PPP1R13B: variants seen among roughly 807,000 people sequenced by gnomAD.
The protein encoded by PPP1R13B is protein phosphatase 1 regulatory subunit 13B.
Under a neutral mutation model 119.8 loss-of-function variants are expected in PPP1R13B, and 44 were observed. The ratio of observed to expected loss-of-function variants is 0.37; its 90% CI spans 0.29 to 0.47. The LOEUF is 0.47. Among genes scored for constraint, PPP1R13B ranks in the 20% least tolerant of loss-of-function variants. The pLI, the probability that PPP1R13B is intolerant of heterozygous loss-of-function variation, is 0.99. For synonymous variants in PPP1R13B, 542 were observed against 561.5 expected (o/e 0.97, Z 0.49); for missense variants, 1,227 against 1,413.5 (o/e 0.87, Z 2.12).
chr14:103,742,348 T>A lies in PPP1R13B; in HGVS notation c.1321-57A>T. On this transcript the variant is annotated intron_variant, in intron 10 of 16. Coordinates refer to ENST00000202556, the MANE Select transcript of PPP1R13B (RefSeq NM_015316.3). This position sits in a 1 kb window ranked among gnomAD's most constrained non-coding sequence, Gnocchi z 4.9. ...TCACCCTTTGAACAGTTAAGAATAT[T>A]TCCACCCACATTCCCAAGAGAATAC... 4.7e-6 allele frequency: 7 copies of A among 1,493,810 alleles called. No individual in the cohort carries two copies. The highest frequency in any genetic ancestry group is 6.2e-6 in the Non-Finnish European group (7 of 1,126,486). 92.5% of individuals were successfully genotyped at this position (1,493,810 alleles called of 1,614,324 possible).
chr14:103,836,768 T>C (rs1270545944), intron 1 of PPP1R13B, among the ~76,000 whole-genome samples: 4 of 122,276 alleles, frequency 3.3e-5, no homozygotes, highest in Non-Finnish European at 5.0e-5. Context: ...AGAGTCTGTC[T>C]CAGAAAAGAA....
intron 4 of PPP1R13B, among the ~76,000 whole-genome samples, chr14:103,768,840 AT>A (rs1350824394): frequency 1.3e-5 from 2 of 152,044 alleles, no homozygotes; most frequent in Non-Finnish European, 2.9e-5. Context: ...AAAGTGCAGG[AT>A]TACAGGTGTG....
At chr14:103,781,641 T>C (rs1211784707) in intron 3 of PPP1R13B, among the ~76,000 whole-genome samples, 1 of 152,182 alleles carries the variant, frequency 6.6e-6, no homozygotes, top group Non-Finnish European at 1.5e-5. Context: ...AAGGTTTTTT[T>C]GTTTTGTTTT....
At chr14:103,767,081 T>C (rs772294442) in intron 4 of PPP1R13B, among the ~76,000 whole-genome samples, 1 of 152,172 alleles carries the variant, frequency 6.6e-6, no homozygotes, top group Non-Finnish European at 1.5e-5. Flanking sequence ...CGAAGGGCTT[T>C]GGAGTGGAAG....
Position 103,768,538 on chromosome 14 carries a change from C to T in PPP1R13B, c.354+10207G>A, listed in dbSNP as rs376835772. Among the ~76,000 whole-genome samples, 5 of 151,174 alleles carry T rather than the reference C, an allele frequency of 3.3e-5. No homozygotes were observed. In the East Asian group the frequency reaches 5.9e-4, roughly 18 times the overall value. On this transcript the variant is annotated intron_variant, in intron 4 of 16. Transcript: ENST00000202556. ...GGTCTCAATCTCCTGACCTTGTGAT[C>T]CGCCTGCCTCAGCCTCCCAAAGTGC...
In PPP1R13B at chr14:103,837,208, G is replaced by A. The variant is rs558491784; in HGVS notation, c.9+10091C>T. ...ATCAGGCAAACCGGAAACACAGGGA[G>A]GACGTGTGTGGGTGCTGCAGATGCC... is the stretch of plus-strand genomic sequence containing the variant. On this transcript the variant is annotated intron_variant, in intron 1 of 16. Transcript: ENST00000202556. Among the ~76,000 whole-genome samples the A allele has an allele frequency of 1.3e-3, 200 of 152,338 alleles. 3 individuals carry two copies. Among genetic ancestry groups the A allele is most frequent in the Non-Finnish European group, 2.1e-4 (14 of 68,040 alleles).
chr14:103,786,805 G>A (rs894305327), intron 2 of PPP1R13B, among the ~76,000 whole-genome samples: 7 of 145,218 alleles, frequency 4.8e-5, no homozygotes, highest in Admixed American at 4.8e-4. Context: ...TCATGGTGGT[G>A]CACGCCTGTG....
At chr14:103,771,258 T>C (rs755056339) in intron 4 of PPP1R13B, among the ~76,000 whole-genome samples, 2 of 152,046 alleles carry the variant, frequency 1.3e-5, no homozygotes, top group Non-Finnish European at 2.9e-5. Flanking sequence ...GGCCTGACTT[T>C]ATCCAGGTGT....
In PPP1R13B at chr14:103,736,089, G is replaced by A. The variant is rs745691268; in HGVS notation, c.3145C>T (p.Leu1049=). The A allele has an allele frequency of 6.2e-6, 10 of 1,614,242 alleles. No individual in the cohort carries two copies. Among genetic ancestry groups the A allele is most frequent in the South Asian group, 1.1e-5 (1 of 91,088 alleles). ...SFHEGDALTI[L]RRKDESETEW... ...GTCTCGCTTTCGTCCTTGCGCCTCA[G>A]GATGGTGAGGGCGTCCCCTTCGTGG... The change falls in exon 16 of 17, where the codon CTG becomes TTG. Residue 1049 remains leucine (L), a synonymous_variant. Transcript: ENST00000202556.
chr14:103,812,366 C>T (rs545425330), intron 1 of PPP1R13B, among the ~76,000 whole-genome samples: 11 of 148,686 alleles, frequency 7.4e-5, no homozygotes, highest in Admixed American at 6.1e-4. Context: ...CATTGTGATC[C>T]GCCCACCTCG....
intron 4 of PPP1R13B, among the ~76,000 whole-genome samples, chr14:103,776,531 G>C (rs1023261267): frequency 6.6e-6 from 1 of 152,146 alleles, no homozygotes; most frequent in African/African-American, 2.4e-5. Flanking sequence ...GTGTGAGGAA[G>C]GAACTTGCCT....
At chr14:103,805,713 G>GAC (rs2086001660) in intron 1 of PPP1R13B, among the ~76,000 whole-genome samples, 2 of 152,306 alleles carry the variant, frequency 1.3e-5, no homozygotes, top group African/African-American at 4.8e-5. Flanking sequence ...ACAAAGTATT[G>GAC]ACACATGCTA....
intron 4 of PPP1R13B, among the ~76,000 whole-genome samples, chr14:103,777,364 C>G (rs1443598039): frequency 6.6e-6 from 1 of 152,148 alleles, no homozygotes; most frequent in Non-Finnish European, 1.5e-5. Flanking sequence ...ATCTATTCTC[C>G]AAGTCTATAC....
At chr14:103,811,140 G>C (rs886676519) in intron 1 of PPP1R13B, among the ~76,000 whole-genome samples, 1 of 144,402 alleles carries the variant, frequency 6.9e-6, no homozygotes, top group African/African-American at 2.5e-5. Context: ...ATTACTGCTT[G>C]AAATAATGGT....
At chr14:103,782,211 T>C (rs2085354428) in intron 3 of PPP1R13B, among the ~76,000 whole-genome samples, 1 of 152,182 alleles carries the variant, frequency 6.6e-6, no homozygotes, top group Admixed American at 6.6e-5. Context: ...GATATGCACA[T>C]TACTCTTTGC....
chr14:103,794,662 ACC>A, intron 2 of PPP1R13B: 1 of 446,392 alleles, frequency 2.2e-6, no homozygotes, highest in Admixed American at 2.5e-5. Flanking sequence ...GTTCTCTGAA[ACC>A]TAAAAAAAAA....
At chr14:103,778,103 C>T (rs1342810807) in intron 4 of PPP1R13B, among the ~76,000 whole-genome samples, 2 of 151,284 alleles carry the variant, frequency 1.3e-5, no homozygotes, top group African/African-American at 4.9e-5. Context: ...AGGCGCCCAC[C>T]ACCACGCCCA....
intron 2 of PPP1R13B, among the ~76,000 whole-genome samples, chr14:103,790,299 T>C: frequency 6.6e-6 from 1 of 150,400 alleles, no homozygotes; most frequent in East Asian, 2.0e-4. Flanking sequence ...TGTCCATGAA[T>C]GTTCACAGGA....
rs553480259 is a variant in PPP1R13B, at chr14:103,843,673, G to A, written c.9+3626C>T. 2.6e-5 allele frequency among the ~76,000 whole-genome samples: 4 copies of A among 152,302 alleles called. No homozygotes were observed. The South Asian group carries it at 6.2e-4, about 24-fold the overall frequency. ...AATTTAGTTTAGAAGTGGAAAGGAC[G>A]GCAGAGCGCAGTGGCATACGCCTGT... On this transcript the variant is annotated intron_variant, in intron 1 of 16. Transcript: ENST00000202556.
Sources: allele counts gnomAD v4.1 joint callset (sites outside exome capture counted in the v4.1 genomes callset), GRCh38; gene constraint gnomAD v4.1.1; non-coding constraint Gnocchi (gnomAD v3.1); transcripts MANE v1.5; gene names NCBI Gene and HGNC (gene_info 2026-07-23, HGNC 2026-07-21).